CNTNAP5: variants seen among roughly 807,000 people sequenced by gnomAD.
The protein encoded by CNTNAP5 is contactin-associated protein-like 5.
In CNTNAP5, 72 loss-of-function variants were observed where a neutral mutation model predicts 150.2. The ratio of observed to expected loss-of-function variants is 0.48; its 90% CI spans 0.40 to 0.58. The LOEUF (loss-of-function observed/expected upper bound fraction) is 0.58. CNTNAP5 is among the 20% of genes least tolerant of loss of function. The probability of loss-of-function intolerance (pLI) is 0.00; values close to 1 mark genes in which losing one functional copy is unlikely to be tolerated. For missense variants in CNTNAP5, 1,636 were observed against 1,626.2 expected (o/e 1.01, Z -0.10); for synonymous variants, 672 against 619.8 (o/e 1.08, Z -1.25).
At chr2:124,173,797 T>C (rs1684994641) in intron 1 of CNTNAP5, among the ~76,000 whole-genome samples, 1 of 152,334 alleles carries the variant, frequency 6.6e-6, no homozygotes. Flanking sequence ...TAAACAGATT[T>C]TCAATGTAGA....
intron 6 of CNTNAP5, among the ~76,000 whole-genome samples, chr2:124,447,393 G>T (rs1692848040): frequency 6.6e-6 from 1 of 152,176 alleles, no homozygotes; most frequent in African/African-American, 2.4e-5. Context: ...TAATACCGTG[G>T]CGAGCTGTTT....
chr2:124,042,385 T>A (rs369382232), intron 1 of CNTNAP5, among the ~76,000 whole-genome samples: 1 of 152,202 alleles, frequency 6.6e-6, no homozygotes, highest in East Asian at 1.9e-4. Context: ...TTTAAGAAGG[T>A]GTAACCATGA....
intron 1 of CNTNAP5, among the ~76,000 whole-genome samples, chr2:124,142,624 G>T (rs1416836727): frequency 1.5e-5 from 2 of 133,590 alleles, no homozygotes; most frequent in Non-Finnish European, 3.2e-5. Context: ...AGAATCTCTG[G>T]GACGCATTCA....
chr2:124,920,959 T>G lies in CNTNAP5; in HGVS notation c.*6671T>G, dbSNP rs1467836700. 1.3e-5 allele frequency among the ~76,000 whole-genome samples: 2 copies of G among 152,150 alleles called. No homozygotes were observed. Among genetic ancestry groups the G allele is most frequent in the African/African-American group, 2.4e-5 (1 of 41,456 alleles). On this transcript the variant is annotated 3_prime_UTR_variant, in exon 24 of 24. Coordinates refer to ENST00000682447, the MANE Select transcript of CNTNAP5 (RefSeq NM_001367498.1). Reference sequence around the variant, plus strand: ...AAAAGCACAAAACAGGTCATCTTTTTGTGGAAATGCTGGAGTCTACCTTTT... The same window carrying G: ...AAAAGCACAAAACAGGTCATCTTTTGGTGGAAATGCTGGAGTCTACCTTTT...
chr2:124,187,113 T>C (rs576657186), intron 1 of CNTNAP5, among the ~76,000 whole-genome samples: 1 of 151,804 alleles, frequency 6.6e-6, no homozygotes, highest in African/African-American at 2.4e-5. Flanking sequence ...TCTTCCCTAC[T>C]CCACAGTTCT....
intron 3 of CNTNAP5, among the ~76,000 whole-genome samples, chr2:124,363,835 T>C (rs1333924589): frequency 6.6e-6 from 1 of 152,206 alleles, no homozygotes; most frequent in Non-Finnish European, 1.5e-5. Flanking sequence ...AAACATTAAA[T>C]ATGTGTAGTT....
At chr2:124,436,381 G>A (rs1382441187) in intron 5 of CNTNAP5, among the ~76,000 whole-genome samples, 3 of 152,134 alleles carry the variant, frequency 2.0e-5, no homozygotes, top group Non-Finnish European at 4.4e-5. Flanking sequence ...GATTACAGAT[G>A]TGCAATCAAA....
At chr2:124,796,706 T>C (rs574859096) in intron 18 of CNTNAP5, among the ~76,000 whole-genome samples, 4 of 152,254 alleles carry the variant, frequency 2.6e-5, no homozygotes, top group Non-Finnish European at 4.4e-5. Context: ...TATTATATTG[T>C]AGGTGCCACT....
At chr2:124,420,970 A>G (rs1268145413) in intron 4 of CNTNAP5, among the ~76,000 whole-genome samples, 2 of 152,236 alleles carry the variant, frequency 1.3e-5, no homozygotes, top group Non-Finnish European at 2.9e-5. Context: ...TTCAGTGGAC[A>G]CTTAATGTTT....
chr2:124,747,313 G>C lies in CNTNAP5; in HGVS notation c.2162G>C (p.Cys721Ser). The change falls in exon 14 of 24, where the codon TGT becomes TCT. Residue 721 changes from cysteine to serine, a missense_variant. Coordinates refer to ENST00000682447, the MANE Select transcript of CNTNAP5 (RefSeq NM_001367498.1). ...GGTTCCCCTCCTGGGGTCCAGCAGTGTGAGTGTGGCCTAGACGAGAGCTGC... is the reference window on the plus strand; with the variant it reads ...GGTTCCCCTCCTGGGGTCCAGCAGTCTGAGTGTGGCCTAGACGAGAGCTGC... Reference protein sequence around the residue: ...WGGSPPGVQQCECGLDESCLD... With the variant: ...WGGSPPGVQQSECGLDESCLD... The C allele has an allele frequency of 1.2e-6, 2 of 1,613,840 alleles. No homozygotes were observed. The highest frequency in any genetic ancestry group is 2.7e-5 in the African/African-American group (2 of 75,044).
chr2:124,847,366 A>G (rs1683070867), intron 19 of CNTNAP5, among the ~76,000 whole-genome samples: 1 of 152,126 alleles, frequency 6.6e-6, no homozygotes, highest in South Asian at 2.1e-4. Context: ...CCTCTGCTGA[A>G]TCATACAGGT....
At chr2:124,488,982 A>G (rs1386820935) in intron 7 of CNTNAP5, among the ~76,000 whole-genome samples, 1 of 152,164 alleles carries the variant, frequency 6.6e-6, no homozygotes, top group Non-Finnish European at 1.5e-5. Flanking sequence ...CCTAATTAAA[A>G]AGAGCCCTGT....
intron 19 of CNTNAP5, among the ~76,000 whole-genome samples, chr2:124,811,708 G>GC (rs11431738): frequency 8.0e-5 from 12 of 149,728 alleles, no homozygotes; most frequent in African/African-American, 1.5e-4. Flanking sequence ...TTAGGAGGCG[G>GC]GGGGGGTGGA....
chr2:124,720,456 A>G (rs1172613270), intron 13 of CNTNAP5, among the ~76,000 whole-genome samples: 2 of 152,204 alleles, frequency 1.3e-5, no homozygotes, highest in Non-Finnish European at 2.9e-5. Flanking sequence ...TTTAAAGTGT[A>G]CAATTGATTT....
chr2:124,230,824 G>A (rs998283316), intron 2 of CNTNAP5, among the ~76,000 whole-genome samples: 19 of 152,066 alleles, frequency 1.2e-4, no homozygotes, highest in Admixed American at 4.6e-4. Flanking sequence ...GAGCCACTGC[G>A]CCCAGCCTCT....
intron 22 of CNTNAP5, among the ~76,000 whole-genome samples, chr2:124,909,826 C>CAT (rs368913883): frequency 0.2 from 15,134 of 74,370 alleles, 1,541 homozygotes; most frequent in South Asian, 0.23. Flanking sequence ...CAATTGGTGA[C>CAT]ATATATATAT....
chr2:124,026,043 G>A (rs1680878902), intron 1 of CNTNAP5, among the ~76,000 whole-genome samples: 1 of 152,224 alleles, frequency 6.6e-6, no homozygotes, highest in Non-Finnish European at 1.5e-5. Context: ...TGCTTTTTCC[G>A]GAGAAGGGCC....
intron 3 of CNTNAP5, among the ~76,000 whole-genome samples, chr2:124,246,809 C>T (rs1450302145): frequency 3.9e-5 from 6 of 152,064 alleles, no homozygotes; most frequent in Non-Finnish European, 8.8e-5. Context: ...ATGTCAGTCC[C>T]CTTCTCTACC....
intron 3 of CNTNAP5, among the ~76,000 whole-genome samples, chr2:124,301,329 C>T (rs1327889684): frequency 6.6e-6 from 1 of 152,220 alleles, no homozygotes; most frequent in Non-Finnish European, 1.5e-5. Flanking sequence ...TGCGAACTAA[C>T]ATTGCACTAT....
Sources: allele counts gnomAD v4.1 joint callset (sites outside exome capture counted in the v4.1 genomes callset), GRCh38; gene constraint gnomAD v4.1.1; transcripts MANE v1.5; gene names NCBI Gene and HGNC (gene_info 2026-07-23, HGNC 2026-07-21).